PPIP5K1: variants seen among roughly 807,000 people sequenced by gnomAD.
PPIP5K1 encodes diphosphoinositol pentakisphosphate kinase 1, also known as inositol hexakisphosphate and diphosphoinositol-pentakisphosphate kinase 1.
Under a neutral mutation model 27.7 loss-of-function variants are expected in PPIP5K1, and 6 were observed. That is an observed-to-expected ratio of 0.22 (90% CI 0.12 to 0.43). The LOEUF is 0.43. Ranked by LOEUF, PPIP5K1 falls within the 20% of genes least tolerant of loss-of-function variation. The pLI is 1.00. For missense variants in PPIP5K1, 394 were observed against 635.4 expected (o/e 0.62, Z 4.08); for synonymous variants, 145 against 242.6 (o/e 0.60, Z 3.74).
rs374307353 is a variant in PPIP5K1 at position 43,544,560 on chromosome 15, T to A, written c.3557-4977A>T. The stretch of plus-strand genomic sequence containing the variant: ...CCATAATCCCAGCACTTTGGGAGGC[T>A]TAAGCAGGAGAGTCATTGAGGCCAG... On this transcript the variant is annotated intron_variant, in intron 30 of 31. Transcript: ENST00000420765. Among the ~76,000 whole-genome samples, 16 of 152,222 alleles carry A rather than the reference T, an allele frequency of 1.1e-4. No individual in the cohort carries two copies. In the East Asian group the frequency reaches 2.9e-3, roughly 28 times the overall value.
intron 30 of PPIP5K1, among the ~76,000 whole-genome samples, chr15:43,556,493 C>T (rs1214890436): frequency 2.7e-5 from 4 of 147,070 alleles, no homozygotes; most frequent in Admixed American, 6.9e-5. Context: ...AAAAATTAGC[C>T]GGGCATGGTG....
chr15:43,547,982 A>G (rs2081584317), intron 30 of PPIP5K1, among the ~76,000 whole-genome samples: 1 of 152,204 alleles, frequency 6.6e-6, no homozygotes, highest in African/African-American at 2.4e-5. Context: ...CATGAACATG[A>G]AATGCCTTTC....
chr15:43,533,480 ATTAGT>A lies in PPIP5K1; in HGVS notation c.*1189_*1193del, dbSNP rs2140231486. 1 of 152,450 alleles carries A rather than the reference ATTAGT, an allele frequency of 6.6e-6. No individual in the cohort carries two copies. The highest frequency in any genetic ancestry group is 2.1e-4 in the South Asian group (1 of 4,812). The allele number at this position is 152,450 out of a possible 1,614,324, so 9.4% of individuals were successfully genotyped here. A position where few individuals can be genotyped will look rare whatever the true frequency, so the allele number is the denominator to read the frequency against. On this transcript the variant is annotated 3_prime_UTR_variant, in exon 32 of 32. Coordinates refer to ENST00000420765, the MANE Select transcript of PPIP5K1 (RefSeq NM_001394395.1). ...ACCATCATCCATCACCACCATTCTC[ATTAGT>A]TTATATTTATTGAGCACTCATAATG...
Position 43,534,808 on chromosome 15 carries a change from C to A in PPIP5K1, c.4339G>T (p.Val1447Phe). 1.2e-6 allele frequency: 2 copies of A among 1,606,146 alleles called. No homozygotes were observed. The highest frequency in any genetic ancestry group is 1.3e-5 in the African/African-American group (1 of 74,802). Residue 1447 changes from valine (V) to phenylalanine (F), a missense_variant, in exon 32 of 32, where the codon GTT becomes TTT. Coordinates refer to ENST00000420765, the MANE Select transcript of PPIP5K1 (RefSeq NM_001394395.1). The part of the protein sequence containing the change: ...IQPYQEFSVE[V>F]GRLAQETSAI... Reference sequence around the variant, plus strand: ...GAAGTCTCCTGGGCCAGCCTGCCAACCTCCACAGAGAACTCCTGGTATGGC... The same window carrying A: ...GAAGTCTCCTGGGCCAGCCTGCCAAACTCCACAGAGAACTCCTGGTATGGC...
intron 30 of PPIP5K1, among the ~76,000 whole-genome samples, chr15:43,553,747 C>G (rs1041653799): frequency 6.6e-6 from 1 of 151,384 alleles, no homozygotes; most frequent in East Asian, 1.9e-4. Context: ...CGGGTTCATG[C>G]CATTCTCCTG....
At chr15:43,579,631 GTA>G (rs1377430959) in intron 10 of PPIP5K1, among the ~76,000 whole-genome samples, 705 of 35,696 alleles carry the variant, frequency 0.02, 18 homozygotes, top group East Asian at 0.032. Flanking sequence ...GTGTGTGTGT[GTA>G]TATATATATA....
Position 43,534,761 on chromosome 15 carries a change from C to A in PPIP5K1, c.4386G>T (p.Gln1462His). 1 of 1,565,152 alleles carries A rather than the reference C, an allele frequency of 6.4e-7. No individual in the cohort carries two copies. Among genetic ancestry groups the A allele is most frequent in the Middle Eastern group, 1.7e-4 (1 of 5,788 alleles). ...QETSAINLLSQGIPEIDKPSQ... is the reference protein window; with the variant it reads ...QETSAINLLSHGIPEIDKPSQ... Reference sequence around the variant, plus strand: ...ATGGTTTATCAATCTCAGGGATGCCCTGAGATAACAGATTGATCGCAGAAG... The same window carrying A: ...ATGGTTTATCAATCTCAGGGATGCCATGAGATAACAGATTGATCGCAGAAG... Residue 1462 changes from glutamine to histidine, a missense_variant, in exon 32 of 32, where the codon CAG becomes CAT. By Grantham distance (24) the Gln-to-His change is conservative (BLOSUM62 0). This residue lies in a region of PPIP5K1 where 379 missense variants were observed against 423.9 expected (regional missense o/e 0.89). Transcript: ENST00000420765.
chr15:43,550,340 C>G (rs944743281), intron 30 of PPIP5K1, among the ~76,000 whole-genome samples: 2 of 151,848 alleles, frequency 1.3e-5, no homozygotes, highest in African/African-American at 4.8e-5. Context: ...GAGAGAGTGT[C>G]TCCCTATGTT....
chr15:43,551,858 C>A (rs997691733), intron 30 of PPIP5K1, among the ~76,000 whole-genome samples: 1 of 152,104 alleles, frequency 6.6e-6, no homozygotes, highest in African/African-American at 2.4e-5. Flanking sequence ...CCATCTCGAC[C>A]TCCCAAAGTG....
Position 43,558,948 on chromosome 15 carries a change from T to A in PPIP5K1, c.3419-16A>T. On this transcript the variant is annotated splice_polypyrimidine_tract_variant and intron_variant, in intron 29 of 31. Transcript: ENST00000420765. ...CCTTCAAACCCTGTTTGAAAAGAGA[T>A]GGGCAAAGTCAATGTTACTCCTGCC... 1 of 1,612,264 alleles carries A rather than the reference T, an allele frequency of 6.2e-7. No homozygotes were observed. Among genetic ancestry groups the A allele is most frequent in the Non-Finnish European group, 8.5e-7 (1 of 1,179,866 alleles).
chr15:43,549,069 A>G lies in PPIP5K1; in HGVS notation c.3557-9486T>C, dbSNP rs1324065723. Among the ~76,000 whole-genome samples, 10 of 103,344 alleles carry G rather than the reference A, an allele frequency of 9.7e-5. 1 individual carries two copies. Among genetic ancestry groups the G allele is most frequent in the African/African-American group, 4.1e-4 (8 of 19,532 alleles). The allele number at this position is 103,344 out of a possible 152,430, so 67.8% of individuals were successfully genotyped here. On this transcript the variant is annotated intron_variant, in intron 30 of 31. Coordinates refer to ENST00000420765, the MANE Select transcript of PPIP5K1 (RefSeq NM_001394395.1). ...AAAAAAAAAAAAAATATATATATAT[A>G]TATATATATATACATATATATAATT...
At chr15:43,544,383 A>G (rs1221919678) in intron 30 of PPIP5K1, among the ~76,000 whole-genome samples, 2 of 152,246 alleles carry the variant, frequency 1.3e-5, no homozygotes, top group African/African-American at 2.4e-5. Context: ...ACAGATGCAT[A>G]GTATTCAATT....
At chr15:43,545,040 T>C (rs1486414644) in intron 30 of PPIP5K1, among the ~76,000 whole-genome samples, 1 of 151,818 alleles carries the variant, frequency 6.6e-6, no homozygotes, top group Non-Finnish European at 1.5e-5. Context: ...TAGCCGGGTG[T>C]AGTGGTGGGC....
intron 30 of PPIP5K1, among the ~76,000 whole-genome samples, chr15:43,545,231 T>C (rs1272771924): frequency 6.6e-6 from 1 of 151,846 alleles, no homozygotes; most frequent in Non-Finnish European, 1.5e-5. Context: ...TATAATTCTG[T>C]GAGATACTAC....
chr15:43,538,636 C>T lies in PPIP5K1; in HGVS notation c.3670+834G>A, dbSNP rs369672589. On this transcript the variant is annotated intron_variant, in intron 31 of 31. Transcript: ENST00000420765. ...CTGCCATTCTCCTGCCTCAGCCTTC[C>T]GAGTAGCTGGGACTACAGGCACCCA... is the stretch of plus-strand genomic sequence containing the variant. 1.3e-4 allele frequency among the ~76,000 whole-genome samples: 20 copies of T among 152,214 alleles called. No homozygotes were observed. In the East Asian group the frequency reaches 3.5e-3, roughly 27 times the overall value.
chr15:43,558,148 G>A (rs537303584), intron 30 of PPIP5K1, among the ~76,000 whole-genome samples: 1 of 148,456 alleles, frequency 6.7e-6, no homozygotes, highest in East Asian at 2.0e-4. Flanking sequence ...AGCAATCTCC[G>A]CCTCCTGGGC....
chr15:43,541,643 G>C (rs911747098), intron 30 of PPIP5K1, among the ~76,000 whole-genome samples: 1 of 151,522 alleles, frequency 6.6e-6, no homozygotes, highest in Non-Finnish European at 1.5e-5. Context: ...CTTGAACCTT[G>C]AACCCGGGAG....
At chr15:43,539,673 G>A in intron 30 of PPIP5K1, 90 bp from the exon 31 acceptor site, 1 of 772,704 alleles carries the variant, frequency 1.3e-6, no homozygotes, top group Non-Finnish European at 2.1e-6. Flanking sequence ...ATAAGTCAAA[G>A]CCAACTTACC....
At chr15:43,549,989 A>G (rs1436864498) in intron 30 of PPIP5K1, among the ~76,000 whole-genome samples, 1 of 152,134 alleles carries the variant, frequency 6.6e-6, no homozygotes, top group Non-Finnish European at 1.5e-5. Flanking sequence ...ATTACTTTAT[A>G]GAGACAAGGT....
Sources: allele counts gnomAD v4.1 joint callset (sites outside exome capture counted in the v4.1 genomes callset), GRCh38; gene constraint gnomAD v4.1.1; regional missense constraint gnomAD v4.1.1; transcripts MANE v1.5; gene names NCBI Gene and HGNC (gene_info 2026-07-23, HGNC 2026-07-21).